COL6A6: variants seen among roughly 807,000 people sequenced by gnomAD.
The protein encoded by COL6A6 is collagen type VI alpha 6 chain.
In COL6A6, 183 loss-of-function variants were observed where a neutral mutation model predicts 208.6. That is an observed-to-expected ratio of 0.88 (90% CI 0.78 to 0.99). The LOEUF is 0.99. Ranked by LOEUF, COL6A6 falls within the 50% of genes least tolerant of loss-of-function variation. The pLI, the probability that COL6A6 is intolerant of heterozygous loss-of-function variation, is 0.00. For synonymous variants in COL6A6, 973 were observed against 1,011.8 expected (o/e 0.96, Z 0.73); for missense variants, 2,816 against 2,815.2 (o/e 1.00, Z -0.01).
At chr3:130,545,385 A>T (rs541608982) in intron 1 of COL6A6, among the ~76,000 whole-genome samples, 157 of 151,984 alleles carry the variant, frequency 1.0e-3, no homozygotes, top group African/African-American at 3.5e-3. Context: ...ATTTCTGAGG[A>T]GAAGTTGAAT....
chr3:130,532,645 G>A lies in COL6A6; in HGVS notation c.-32+15248G>A, dbSNP rs112992894. 8.1e-3 allele frequency among the ~76,000 whole-genome samples: 1,237 copies of A among 152,298 alleles called. 9 individuals are homozygous for A. The highest frequency in any genetic ancestry group is 0.027 in the Middle Eastern group (8 of 294). ...GACACCTCAGATTCTGTGCTTCAAG[G>A]AATTAAAACTGGATCTTACTTTATG... On this transcript the variant is annotated intron_variant, in intron 1 of 36. Coordinates refer to ENST00000358511, the MANE Select transcript of COL6A6 (RefSeq NM_001102608.3).
chr3:130,570,213 C>T (rs547381837), intron 6 of COL6A6, among the ~76,000 whole-genome samples: 1 of 152,276 alleles, frequency 6.6e-6, no homozygotes, highest in Non-Finnish European at 1.5e-5. Context: ...GCTAGAACAG[C>T]TTAGTTGGAC....
chr3:130,649,539 C>A lies in COL6A6; in HGVS notation c.5710C>A (p.Pro1904Thr). The A allele has an allele frequency of 6.3e-7, 1 of 1,595,632 alleles. No homozygotes were observed. The highest frequency in any genetic ancestry group is 8.5e-7 in the Non-Finnish European group (1 of 1,170,806). Residue 1904 changes from proline (P) to threonine (T), a missense_variant, in exon 33 of 37, where the codon CCC becomes ACC. Pro to Thr is a conservative substitution (Grantham distance 38). Coordinates refer to ENST00000358511, the MANE Select transcript of COL6A6 (RefSeq NM_001102608.3). ...CGTGGTGATCACTTTCAGCAACGTG[C>A]CCTCGGTCAGGCGCGCATTTGCGGT... ...IPVVITFSNVPSVRRAFAIDD... is the reference protein window; with the variant it reads ...IPVVITFSNVTSVRRAFAIDD...
chr3:130,618,830 C>G (rs1383960021), intron 23 of COL6A6, among the ~76,000 whole-genome samples: 2 of 152,212 alleles, frequency 1.3e-5, no homozygotes, highest in Non-Finnish European at 2.9e-5. Context: ...AGGATAATCT[C>G]TCATTGTTCT....
chr3:130,575,848 A>T (rs573685763), intron 8 of COL6A6, among the ~76,000 whole-genome samples: 61 of 151,612 alleles, frequency 4.0e-4, no homozygotes, highest in African/African-American at 1.3e-3. Flanking sequence ...GCCCCACATC[A>T]TCACCTCCCC....
intron 1 of COL6A6, among the ~76,000 whole-genome samples, chr3:130,519,085 G>C (rs895474045): frequency 6.6e-6 from 1 of 152,038 alleles, no homozygotes; most frequent in Non-Finnish European, 1.5e-5. Flanking sequence ...CCTTCAGATA[G>C]TCTGAATTTC....
At chr3:130,674,031 A>G (rs745893965) in intron 36 of COL6A6, among the ~76,000 whole-genome samples, 1 of 152,122 alleles carries the variant, frequency 6.6e-6, no homozygotes, top group Non-Finnish European at 1.5e-5. Context: ...TTTCATTCCC[A>G]TTTTACACCT....
chr3:130,560,235 T>C, intron 1 of COL6A6, 99 bp from the exon 2 acceptor site: 1 of 666,370 alleles, frequency 1.5e-6, no homozygotes, highest in Non-Finnish European at 2.5e-6. Context: ...TTGTCCCCTG[T>C]TACACCCAAT....
intron 21 of COL6A6, among the ~76,000 whole-genome samples, 164 bp downstream of exon 21, chr3:130,607,130 T>G (rs917250960): frequency 4.6e-5 from 7 of 152,202 alleles, no homozygotes; most frequent in Non-Finnish European, 1.0e-4. Flanking sequence ...GTTCATATTT[T>G]AAAATGATGT....
At chr3:130,573,912 G>T in intron 7 of COL6A6, 44 bp from the exon 8 acceptor site, 1 of 1,379,086 alleles carries the variant, frequency 7.3e-7, no homozygotes, top group Non-Finnish European at 1.0e-6. Flanking sequence ...ATTAAGGAAA[G>T]AATAACAATC....
rs573799061 is a variant in COL6A6, at chr3:130,676,643, A to G, written c.*1246A>G. ...CAAGGACATTCAGATTTTCTTTCCT[A>G]TACCTATTTTCATAAAATTTGGAAA... On this transcript the variant is annotated 3_prime_UTR_variant, in exon 37 of 37. Transcript: ENST00000358511. The G allele has an allele frequency of 7.9e-5, 12 of 152,354 alleles. No homozygotes were observed. The highest frequency in any genetic ancestry group is 7.7e-4 in the East Asian group (4 of 5,188). The allele number at this position is 152,354 out of a possible 1,614,324, so 9.4% of individuals were successfully genotyped here.
At chr3:130,620,671 T>C (rs987719753) in intron 23 of COL6A6, among the ~76,000 whole-genome samples, 1 of 152,258 alleles carries the variant, frequency 6.6e-6, no homozygotes, top group Non-Finnish European at 1.5e-5. Context: ...CAATTTATTG[T>C]TCAACAATCC....
At chr3:130,653,612 T>G (rs1303083138) in intron 33 of COL6A6, among the ~76,000 whole-genome samples, 1 of 152,210 alleles carries the variant, frequency 6.6e-6, no homozygotes, top group Non-Finnish European at 1.5e-5. Flanking sequence ...AGCTGGTGCT[T>G]CTTTGAATCC....
At chr3:130,607,029 T>C in intron 21 of COL6A6, 63 bp downstream of exon 21, 1 of 1,337,932 alleles carries the variant, frequency 7.5e-7, no homozygotes, top group Non-Finnish European at 1.0e-6. Flanking sequence ...GGAGCTGGAA[T>C]AAAGTCTCTG....
At chr3:130,625,797 G>A (rs546093670) in intron 24 of COL6A6, among the ~76,000 whole-genome samples, 9 of 152,090 alleles carry the variant, frequency 5.9e-5, no homozygotes, top group Non-Finnish European at 1.3e-4. Context: ...GTATTGATTC[G>A]GTTGTGACAA....
intron 34 of COL6A6, among the ~76,000 whole-genome samples, chr3:130,659,648 G>A (rs536362981): frequency 2.6e-5 from 4 of 152,232 alleles, no homozygotes; most frequent in African/African-American, 9.6e-5. Flanking sequence ...ATTTGCTCAG[G>A]GCTTCACAGC....
chr3:130,635,865 A>G lies in COL6A6; in HGVS notation c.5091+104A>G, dbSNP rs189738768. The G allele has an allele frequency of 4.9e-5, 41 of 828,798 alleles. No individual in the cohort carries two copies. The East Asian group carries it at 9.7e-4, about 20-fold the overall frequency. 51.3% of individuals were successfully genotyped at this position (828,798 alleles called of 1,614,324 possible). On this transcript the variant is annotated intron_variant, in intron 28 of 36. Coordinates refer to ENST00000358511, the MANE Select transcript of COL6A6 (RefSeq NM_001102608.3). ...TTGTCTTTTGTTACCAGTGACTTGC[A>G]AAATGCATGTGTTTTCTATTAAGGC...
intron 1 of COL6A6, among the ~76,000 whole-genome samples, chr3:130,541,708 C>T (rs539046235): frequency 1.7e-3 from 264 of 152,180 alleles, no homozygotes; most frequent in African/African-American, 5.8e-3. Context: ...TAGTGTATTC[C>T]CTGTGCTTTT....
chr3:130,561,701 G>A (rs1192154390), intron 2 of COL6A6, among the ~76,000 whole-genome samples: 4 of 137,646 alleles, frequency 2.9e-5, no homozygotes, highest in Non-Finnish European at 6.0e-5. Flanking sequence ...GCCAGACTGC[G>A]GACTGCAGTG....
Sources: allele counts gnomAD v4.1 joint callset (sites outside exome capture counted in the v4.1 genomes callset), GRCh38; gene constraint gnomAD v4.1.1; transcripts MANE v1.5; gene names NCBI Gene and HGNC (gene_info 2026-07-23, HGNC 2026-07-21).